Variants in BTAF1 observed in about 807,000 individuals in gnomAD.
BTAF1 encodes the protein TATA-binding protein-associated factor 172.
Under a neutral mutation model 227.1 loss-of-function variants are expected in BTAF1, and 38 were observed. The ratio of observed to expected loss-of-function variants is 0.17; its 90% CI spans 0.13 to 0.22. The LOEUF (loss-of-function observed/expected upper bound fraction) is 0.22. Ranked by LOEUF, BTAF1 falls within the 10% of genes least tolerant of loss-of-function variation. The probability of loss-of-function intolerance (pLI) is 1.00; values close to 1 mark genes in which losing one functional copy is unlikely to be tolerated. For synonymous variants in BTAF1, 742 were observed against 751.9 expected (o/e 0.99, Z 0.21); for missense variants, 1,598 against 2,204.0 (o/e 0.73, Z 5.51).
At chr10:91,978,645 T>G (rs916610363) in intron 14 of BTAF1, among the ~76,000 whole-genome samples, 1 of 152,040 alleles carries the variant, frequency 6.6e-6, no homozygotes, top group Non-Finnish European at 1.5e-5. Context: ...CTGTATTTAG[T>G]GCTTTAAAAA....
intron 1 of BTAF1, among the ~76,000 whole-genome samples, chr10:91,932,734 A>G (rs1195679614): frequency 6.6e-6 from 1 of 152,256 alleles, no homozygotes; most frequent in Non-Finnish European, 1.5e-5. Context: ...TAGTAGTTTG[A>G]AATGGTTTCA....
rs1406041463 is a variant in BTAF1, at chr10:91,994,563, T to C, written c.3228T>C (p.Asp1076=). The stretch of plus-strand genomic sequence containing the variant: ...GAAAATCCCTCCTGGATAAGGGAGA[T>C]AGCCCTGCTCAAGAATTGGTGAATT... The part of the protein sequence containing the change: ...FDGKSLLDKG[D]SPAQELVNSL... Residue 1076 remains aspartate (D), a synonymous_variant, in exon 23 of 38, where the codon GAT becomes GAC. Transcript: ENST00000265990. 5 of 1,613,656 alleles carry C rather than the reference T, an allele frequency of 3.1e-6. No individual in the cohort carries two copies. The highest frequency in any genetic ancestry group is 4.2e-6 in the Non-Finnish European group (5 of 1,179,702).
At position 91,937,490 on chromosome 10, in the gene BTAF1, C is replaced by T. The variant is rs112963822; in HGVS notation, c.138+1710C>T. Among the ~76,000 whole-genome samples, 1,134 of 152,220 alleles carry T rather than the reference C, an allele frequency of 7.4e-3. 11 individuals carry two copies. The highest frequency in any genetic ancestry group is 0.025 in the African/African-American group (1,053 of 41,538). The stretch of plus-strand genomic sequence containing the variant: ...ACTCCTTCACTCATGCCCAGATCCT[C>T]GACAACCACTAAACTAACTTTATAG... On this transcript the variant is annotated intron_variant, in intron 2 of 37. Transcript: ENST00000265990.
rs1412442556 is a variant in BTAF1 at position 91,962,628 on chromosome 10, G to A, written c.1354G>A (p.Ala452Thr). 6.2e-7 allele frequency: 1 copy of A among 1,611,130 alleles called. No individual in the cohort carries two copies. Residue 452 changes from alanine to threonine, a missense_variant, in exon 12 of 38, where the codon GCA becomes ACA. Transcript: ENST00000265990. ...TGATGATGTCAGAGCTGTTGCTGCA[G>A]CATCATTAGTGCCTGTAGTAGAAAG... ...LDDDVRAVAA[A>T]SLVPVVESLV...
At chr10:91,941,427 A>G (rs547883176) in intron 3 of BTAF1, among the ~76,000 whole-genome samples, 1 of 152,366 alleles carries the variant, frequency 6.6e-6, no homozygotes, top group South Asian at 2.1e-4. Flanking sequence ...GATGCCAGCT[A>G]AACAAACTAT....
At position 91,979,181 on chromosome 10, in the gene BTAF1, A is replaced by G. The variant is rs1847913267; in HGVS notation, c.1651-1273A>G. Among the ~76,000 whole-genome samples, 3 of 152,158 alleles carry G rather than the reference A, an allele frequency of 2.0e-5. No individual in the cohort carries two copies. The South Asian group carries it at 6.2e-4, about 31-fold the overall frequency. ...CTTTTTTAAGACTGCATAGTATTCC[A>G]TGGTGTATGTGTACCACATTTTCTT... On this transcript the variant is annotated intron_variant, in intron 14 of 37. Transcript: ENST00000265990.
At chr10:91,967,150 A>C (rs1193491811) in intron 14 of BTAF1, among the ~76,000 whole-genome samples, 2 of 152,192 alleles carry the variant, frequency 1.3e-5, no homozygotes, top group African/African-American at 4.8e-5. Context: ...TCTAGAGTAC[A>C]ACTCTTAAAA....
At chr10:91,984,500 G>A in intron 19 of BTAF1, 96 bp downstream of exon 19, 1 of 1,093,774 alleles carries the variant, frequency 9.1e-7, no homozygotes, top group Non-Finnish European at 1.3e-6. Flanking sequence ...ACATTAGTTT[G>A]TTGAGTCTGT....
At chr10:91,952,109 C>T (rs992081462) in intron 5 of BTAF1, among the ~76,000 whole-genome samples, 9 of 150,928 alleles carry the variant, frequency 6.0e-5, no homozygotes, top group Non-Finnish European at 1.0e-4. Flanking sequence ...TTGTGTGTAC[C>T]AAGTGCATGT....
intron 20 of BTAF1, among the ~76,000 whole-genome samples, 158 bp downstream of exon 20, chr10:91,989,738 A>G (rs1275214010): frequency 6.6e-6 from 1 of 152,192 alleles, no homozygotes. Context: ...TTGTTACATG[A>G]ATTTGCACAT....
At chr10:91,954,545 A>G (rs1845966587) in intron 6 of BTAF1, among the ~76,000 whole-genome samples, 1 of 151,998 alleles carries the variant, frequency 6.6e-6, no homozygotes. Flanking sequence ...TTGTAAAAAA[A>G]AAATGCTGTT....
At chr10:92,007,056 A>G (rs566389339) in intron 25 of BTAF1, among the ~76,000 whole-genome samples, 1 of 151,260 alleles carries the variant, frequency 6.6e-6, no homozygotes, top group African/African-American at 2.4e-5. Flanking sequence ...TTTTTTTTTT[A>G]AAATGGCTAG....
chr10:91,928,760 T>TCCC (rs60208547), intron 1 of BTAF1, among the ~76,000 whole-genome samples: 510 of 111,762 alleles, frequency 4.6e-3, no homozygotes, highest in African/African-American at 0.012. Flanking sequence ...CAAGAATCCA[T>TCCC]CCCCCCCCCC....
chr10:92,011,875 T>C (rs914984103), intron 30 of BTAF1, among the ~76,000 whole-genome samples: 3 of 152,064 alleles, frequency 2.0e-5, no homozygotes, highest in Admixed American at 6.5e-5. Flanking sequence ...TGTATGTATC[T>C]TTAGATACTT....
chr10:91,952,029 A>C (rs1295701278), intron 5 of BTAF1, among the ~76,000 whole-genome samples: 1 of 151,748 alleles, frequency 6.6e-6, no homozygotes, highest in African/African-American at 2.4e-5. Flanking sequence ...GTTTTTTGCC[A>C]ACAGGACACA....
intron 30 of BTAF1, 77 bp from the exon 31 acceptor site, chr10:92,013,590 G>A (rs1850513540): frequency 1.3e-6 from 2 of 1,541,268 alleles, no homozygotes; most frequent in Non-Finnish European, 1.8e-6. Flanking sequence ...TATAATAATG[G>A]GCTTTCATTA....
chr10:91,982,849 A>G, intron 18 of BTAF1, 88 bp downstream of exon 18: 1 of 1,315,864 alleles, frequency 7.6e-7, no homozygotes, highest in Non-Finnish European at 1.0e-6. Context: ...GAAAAGTGAA[A>G]ATTTTCGATG....
intron 1 of BTAF1, among the ~76,000 whole-genome samples, chr10:91,928,952 A>G (rs1177487735): frequency 6.6e-6 from 1 of 152,120 alleles, no homozygotes; most frequent in East Asian, 1.9e-4. Context: ...CTAGGACCAC[A>G]GATGCATACC....
intron 2 of BTAF1, among the ~76,000 whole-genome samples, chr10:91,938,813 C>T (rs1240166838): frequency 1.3e-5 from 2 of 152,030 alleles, no homozygotes; most frequent in African/African-American, 4.8e-5. Context: ...GCACCTGTGA[C>T]TAAGACACTG....
Sources: gnomAD v4.1 joint callset for allele counts (sites outside exome capture counted in the v4.1 genomes callset) on GRCh38, gnomAD v4.1.1 for gene constraint, MANE v1.5 for transcripts, NCBI Gene and HGNC (gene_info 2026-07-23, HGNC 2026-07-21) for gene names.